Variants in GSTM3 observed in about 807,000 individuals in gnomAD.
The protein encoded by GSTM3 is glutathione S-transferase mu 3.
GSTM3 carries 34 observed loss-of-function variants against 36.1 expected under a neutral mutation model. The observed-to-expected ratio is 0.94, with a 90% confidence interval of 0.72 to 1.25. The LOEUF is 1.25. GSTM3 is among the 50% of genes most tolerant of loss of function. The pLI, the probability that GSTM3 is intolerant of heterozygous loss-of-function variation, is 0.00. For synonymous variants in GSTM3, 102 were observed against 99.5 expected (o/e 1.03, Z -0.15); for missense variants, 266 against 281.6 (o/e 0.94, Z 0.40).
rs1649203924 is a variant in GSTM3, at chr1:109,736,462, TCTC to T, written c.*606_*608del. ...TTCTTTTTACGTCTTTAAAGAAACT[TCTC>T]CTACCCCGTGGTCACAAAAATTCTT... On this transcript the variant is annotated 3_prime_UTR_variant, in exon 9 of 9. Transcript: ENST00000361066. The T allele has an allele frequency of 1.3e-5, 2 of 152,322 alleles. No homozygotes were observed. The highest frequency in any genetic ancestry group is 4.8e-5 in the African/African-American group (2 of 41,564). 9.4% of individuals were successfully genotyped at this position (152,322 alleles called of 1,614,324 possible).
Position 109,737,145 on chromosome 1 carries a change from A to G in GSTM3, c.604T>C (p.Leu202=). The G allele has an allele frequency of 6.2e-7, 1 of 1,613,628 alleles. No individual in the cohort carries two copies. Among genetic ancestry groups the G allele is most frequent in the South Asian group, 1.1e-5 (1 of 91,070 alleles). The change falls in exon 9 of 9, where the codon TTA becomes CTA. Residue 202 remains leucine, a synonymous_variant. Transcript: ENST00000361066. ...FEALEKIAAY[L]QSDQFCKMPI... is the part of the protein sequence containing the mutation. The stretch of plus-strand genomic sequence containing the variant: ...ATCTTGCAGAACTGATCAGACTGTA[A>G]GTAGGCAGCGATTTTCTCCAAAGCC...
intron 4 of GSTM3, 22 bp downstream of exon 4, chr1:109,739,407 C>T: frequency 1.3e-6 from 2 of 1,581,142 alleles, no homozygotes; most frequent in South Asian, 1.1e-5. Context: ...TTCTGCCCGC[C>T]ACCTCTACTA....
At position 109,735,058 on chromosome 1, in the gene GSTM3, T is replaced by C. The variant is rs1163267368; in HGVS notation, c.*2013A>G. ...TTAGTTAGAAAAGCAAGTCTTAGCC[T>C]TAACTTGGAAATGCCCTTTAACTTC... On this transcript the variant is annotated 3_prime_UTR_variant, in exon 9 of 9. Coordinates refer to ENST00000361066, the MANE Select transcript of GSTM3 (RefSeq NM_000849.5). 6.6e-6 allele frequency: 1 copy of C among 152,274 alleles called. No individual in the cohort carries two copies. The highest frequency in any genetic ancestry group is 1.5e-5 in the Non-Finnish European group (1 of 68,050). 9.4% of individuals were successfully genotyped at this position (152,274 alleles called of 1,614,324 possible). A position where few individuals can be genotyped will look rare whatever the true frequency, so the allele number is the denominator to read the frequency against.
intron 4 of GSTM3, 108 bp downstream of exon 4, chr1:109,739,321 G>A (rs908412405): frequency 3.0e-6 from 2 of 666,578 alleles, no homozygotes; most frequent in African/African-American, 3.5e-5. Context: ...TTCTATCCGG[G>A]TTAAGATCCC....
At position 109,735,016 on chromosome 1, in the gene GSTM3, T is replaced by C. The variant is rs1649160166; in HGVS notation, c.*2055A>G. 1 of 152,272 alleles carries C rather than the reference T, an allele frequency of 6.6e-6. No homozygotes were observed. The highest frequency in any genetic ancestry group is 6.5e-5 in the Admixed American group (1 of 15,286). 9.4% of individuals were successfully genotyped at this position (152,272 alleles called of 1,614,324 possible). ...AAACTAGTTTCTACTACACAAGCAATGCATGAGCACATTCTCTTAGTTAGA... is the reference window on the plus strand; with the variant it reads ...AAACTAGTTTCTACTACACAAGCAACGCATGAGCACATTCTCTTAGTTAGA... On this transcript the variant is annotated 3_prime_UTR_variant, in exon 9 of 9. Coordinates refer to ENST00000361066, the MANE Select transcript of GSTM3 (RefSeq NM_000849.5).
Position 109,740,375 on chromosome 1 carries a change from CG to C in GSTM3, c.-89del, listed in dbSNP as rs1285972921. The C allele has an allele frequency of 8.0e-7, 1 of 1,242,782 alleles. No individual in the cohort carries two copies. Among genetic ancestry groups the C allele is most frequent in the African/African-American group, 1.5e-5 (1 of 66,558 alleles). The allele number at this position is 1,242,782 out of a possible 1,614,324, so 77.0% of individuals were successfully genotyped here. ...GACATAAGGGGGCGGGGCCCACGCG[CG>C]GGCGCCCTGACTCCGCCTCCGCCCC... On this transcript the variant is annotated 5_prime_UTR_variant, in exon 2 of 9. Coordinates refer to ENST00000361066, the MANE Select transcript of GSTM3 (RefSeq NM_000849.5).
Position 109,735,633 on chromosome 1 carries a change from G to GAGTTTTTTTT in GSTM3, c.*1437_*1438insAAAAAAAACT, listed in dbSNP as rs747271780. ...CATCTTAGTATATGTCTCTTTGAATGTTTTTTTTTTTTTTTTTTTTTTTTT... is the reference window on the plus strand; with the variant it reads ...CATCTTAGTATATGTCTCTTTGAATGAGTTTTTTTTTTTTTTTTTTTTTTTTTTTTTTTTT... On this transcript the variant is annotated 3_prime_UTR_variant, in exon 9 of 9. Transcript: ENST00000361066. 6.6e-5 allele frequency: 4 copies of GAGTTTTTTTT among 60,720 alleles called. No homozygotes were observed. Among genetic ancestry groups the GAGTTTTTTTT allele is most frequent in the Non-Finnish European group, 7.0e-5 (2 of 28,564 alleles). The allele number at this position is 60,720 out of a possible 1,614,324, so 3.8% of individuals were successfully genotyped here.
chr1:109,739,771 G>A lies in GSTM3; in HGVS notation c.124+62C>T, dbSNP rs56129311. ...GGCGCGACGCCACCACCCTCTGGGC[G>A]TAAGAAGACCAGGGCAGGTGGAGGG... On this transcript the variant is annotated intron_variant, in intron 3 of 8. Coordinates refer to ENST00000361066, the MANE Select transcript of GSTM3 (RefSeq NM_000849.5). 4,899 of 1,285,704 alleles carry A rather than the reference G, an allele frequency of 3.8e-3. 139 individuals are homozygous for A. The African/African-American group carries it at 0.064, about 17-fold the overall frequency. 79.6% of individuals were successfully genotyped at this position (1,285,704 alleles called of 1,614,324 possible). A position where few individuals can be genotyped will look rare whatever the true frequency, so the allele number is the denominator to read the frequency against.
At chr1:109,739,188 C>T (rs1331574822) in intron 4 of GSTM3, among the ~76,000 whole-genome samples, 3 of 152,190 alleles carry the variant, frequency 2.0e-5, no homozygotes, top group Non-Finnish European at 4.4e-5. Flanking sequence ...AAGTGACAGA[C>T]ATGGCTAATA....
At position 109,739,865 on chromosome 1, in the gene GSTM3, G is replaced by T. The variant is rs565296303; in HGVS notation, c.92C>A (p.Ser31Tyr). Residue 31 changes from serine to tyrosine, a missense_variant, in exon 3 of 9, where the codon TCT (serine) becomes TAT (tyrosine). Ser to Tyr is a moderately radical substitution (Grantham distance 144). Coordinates refer to ENST00000361066, the MANE Select transcript of GSTM3 (RefSeq NM_000849.5). ...GCACGTGTACCGTTTCTCCTCATAA[G>T]AGGTATCCGTGAACTCCAGGAGCAG... ...IRLLLEFTDT[S>Y]YEEKRYTCGE... 1.9e-6 allele frequency: 3 copies of T among 1,554,978 alleles called. No homozygotes were observed. In the African/African-American group the frequency reaches 4.1e-5, roughly 21 times the overall value.
At position 109,735,773 on chromosome 1, in the gene GSTM3, GCTGGGA is replaced by G. The variant is rs1649183735; in HGVS notation, c.*1292_*1297del. On this transcript the variant is annotated 3_prime_UTR_variant, in exon 9 of 9. Transcript: ENST00000361066. ...TTCTCCTGCCTCAGCCTCCTGAGTAGCTGGGACTATAGGCACATGCCACCATGCCCA... is the reference window on the plus strand; with the variant it reads ...TTCTCCTGCCTCAGCCTCCTGAGTAGCTATAGGCACATGCCACCATGCCCA... 6.6e-6 allele frequency: 1 copy of G among 151,290 alleles called. No homozygotes were observed. The highest frequency in any genetic ancestry group is 1.5e-5 in the Non-Finnish European group (1 of 67,990). The allele number at this position is 151,290 out of a possible 1,614,324, so 9.4% of individuals were successfully genotyped here. A position where few individuals can be genotyped will look rare whatever the true frequency, so the allele number is the denominator to read the frequency against.
chr1:109,740,457 G>T lies in GSTM3; in HGVS notation c.-170C>A. ...AGGGCCGTGCGCAGGCGCGACTAATGCCGGCGTTGGGGTTCAGGGCCTGGC... is the reference window on the plus strand; with the variant it reads ...AGGGCCGTGCGCAGGCGCGACTAATTCCGGCGTTGGGGTTCAGGGCCTGGC... On this transcript the variant is annotated 5_prime_UTR_variant, in exon 2 of 9. Transcript: ENST00000361066. 1.6e-6 allele frequency: 1 copy of T among 624,960 alleles called. No homozygotes were observed. Among genetic ancestry groups the T allele is most frequent in the Non-Finnish European group, 2.8e-6 (1 of 360,228 alleles). 38.7% of individuals were successfully genotyped at this position (624,960 alleles called of 1,614,324 possible).
intron 5 of GSTM3, 30 bp downstream of exon 5, chr1:109,738,255 G>A (rs750158506): frequency 6.2e-7 from 1 of 1,602,864 alleles, no homozygotes; most frequent in Non-Finnish European, 8.5e-7. Context: ...CTACCAGCCT[G>A]GGGTCCCTCA....
At position 109,734,827 on chromosome 1, in the gene GSTM3, C is replaced by G. The variant is rs1040065157; in HGVS notation, c.*2244G>C. The G allele has an allele frequency of 1.3e-5, 2 of 152,310 alleles. No individual in the cohort carries two copies. The highest frequency in any genetic ancestry group is 4.8e-5 in the African/African-American group (2 of 41,466). The allele number at this position is 152,310 out of a possible 1,614,324, so 9.4% of individuals were successfully genotyped here. A position where few individuals can be genotyped will look rare whatever the true frequency, so the allele number is the denominator to read the frequency against. On this transcript the variant is annotated 3_prime_UTR_variant, in exon 9 of 9. Coordinates refer to ENST00000361066, the MANE Select transcript of GSTM3 (RefSeq NM_000849.5). ...TGGGTATCCCTGCCATTTGGGCCCT[C>G]TGACCATCACTAGAGAGATCCTTGG... is the stretch of plus-strand genomic sequence containing the variant.
chr1:109,737,199 C>T (rs1537234), intron 8 of GSTM3, 30 bp from the exon 9 acceptor site: 21 of 1,472,010 alleles, frequency 1.4e-5, no homozygotes, highest in Admixed American at 5.0e-5. Context: ...AATCTTATAA[C>T]GACCCCAACC....
At chr1:109,740,196 C>T in intron 2 of GSTM3, 44 bp downstream of exon 2, 2 of 1,560,182 alleles carry the variant, frequency 1.3e-6, no homozygotes, top group African/African-American at 1.4e-5. Context: ...CTCTCCGCGT[C>T]AGTCTCTTTG....
rs1382063445 is a variant in GSTM3 at position 109,740,432 on chromosome 1, A to T, written c.-145T>A. On this transcript the variant is annotated 5_prime_UTR_variant, in exon 2 of 9. Transcript: ENST00000361066. ...CCGTCCCTTGCCTCCGCGGCTCCACAGGGCCGTGCGCAGGCGCGACTAATG... is the reference window on the plus strand; with the variant it reads ...CCGTCCCTTGCCTCCGCGGCTCCACTGGGCCGTGCGCAGGCGCGACTAATG... 4.3e-6 allele frequency: 3 copies of T among 698,296 alleles called. No homozygotes were observed. The African/African-American group carries it at 5.5e-5, about 13-fold the overall frequency. The allele number at this position is 698,296 out of a possible 1,614,324, so 43.3% of individuals were successfully genotyped here. A position where few individuals can be genotyped will look rare whatever the true frequency, so the allele number is the denominator to read the frequency against.
rs778396311 is a variant in GSTM3 at position 109,738,295 on chromosome 1, C to T, written c.261G>A (p.Lys87=). 3.7e-6 allele frequency: 6 copies of T among 1,613,584 alleles called. No homozygotes were observed. The highest frequency in any genetic ancestry group is 1.7e-5 in the Admixed American group (1 of 60,012). ...CCCTACCCCACTCACACATGTTGTGCTTGCGAGCGATGTAGCGCAAGATGG... is the reference window on the plus strand; with the variant it reads ...CCCTACCCCACTCACACATGTTGTGTTTGCGAGCGATGTAGCGCAAGATGG... ...SNAILRYIAR[K]HNMCGETEEE... is the part of the protein sequence containing the mutation. Residue 87 remains lysine (K), a synonymous_variant, in exon 5 of 9, where the codon AAG becomes AAA. Transcript: ENST00000361066.
intron 2 of GSTM3, 33 bp from the exon 3 acceptor site, chr1:109,739,941 C>A (rs1056869327): frequency 1.4e-5 from 21 of 1,493,668 alleles, no homozygotes; most frequent in Non-Finnish European, 1.6e-5. Context: ...GACTGCGCAG[C>A]TCCCACCCAT....
Sources: allele counts gnomAD v4.1 joint callset (sites outside exome capture counted in the v4.1 genomes callset), GRCh38; gene constraint gnomAD v4.1.1; transcripts MANE v1.5; gene names NCBI Gene and HGNC (gene_info 2026-07-23, HGNC 2026-07-21).